Variants in PCDHGB5 observed in about 807,000 individuals in gnomAD.
The protein encoded by PCDHGB5 is protocadherin gamma-B5.
Under a neutral mutation model 62.9 loss-of-function variants are expected in PCDHGB5, and 48 were observed. That is an observed-to-expected ratio of 0.76 (90% confidence interval 0.61 to 0.97). The LOEUF (loss-of-function observed/expected upper bound fraction) is 0.97. Ranked by LOEUF, PCDHGB5 falls within the 50% of genes least tolerant of loss-of-function variation. The pLI is 0.00. For synonymous variants in PCDHGB5, 474 were observed against 511.2 expected, an observed-to-expected ratio of 0.93 and a Z score of 0.98; for missense variants, 1,118 against 1,198.6, an observed-to-expected ratio of 0.93 and a Z score of 0.99.
intron 1 of PCDHGB5, chr5:141,478,531 C>T (rs771145308): frequency 1.9e-6 from 3 of 1,608,190 alleles, no homozygotes; most frequent in Non-Finnish European, 2.5e-6. Flanking sequence ...GTGCAGAGAG[C>T]GCCCCTCCCG....
chr5:141,426,676 A>T (rs1209949988), intron 1 of PCDHGB5: 4 of 431,700 alleles, frequency 9.3e-6, no homozygotes, highest in Non-Finnish European at 1.9e-5. Context: ...AACCCACCTC[A>T]TTTTCCCCAA....
chr5:141,402,839 C>T (rs2094312458), intron 1 of PCDHGB5: 1 of 1,386,198 alleles, frequency 7.2e-7, no homozygotes, highest in Non-Finnish European at 9.5e-7. Context: ...TGCAGCAAAA[C>T]TCAGCCTCTT....
intron 1 of PCDHGB5, chr5:141,403,154 T>G (rs1166937788): frequency 6.2e-7 from 1 of 1,614,024 alleles, no homozygotes; most frequent in Non-Finnish European, 8.5e-7. Flanking sequence ...CCGCATCGTC[T>G]CTAGAGGTAG....
At position 141,486,837 on chromosome 5, in the gene PCDHGB5, T is replaced by G; in HGVS notation, c.2398-7970T>G. The G allele has an allele frequency of 6.2e-7, 1 of 1,614,256 alleles. No individual in the cohort carries two copies. The highest frequency in any genetic ancestry group is 8.5e-7 in the Non-Finnish European group (1 of 1,180,044). ...AGCACTGTAACAGTTCGTCTATTTG[T>G]GCTGGACCTCAATGACAATGCTCCA... On this transcript the variant is annotated intron_variant, in intron 1 of 3. Transcript: ENST00000617380. The surrounding 1 kb of genome is among the most constrained non-coding windows in gnomAD (Gnocchi z 5.0).
intron 1 of PCDHGB5, among the ~76,000 whole-genome samples, chr5:141,437,145 T>C (rs191316470): frequency 3.9e-5 from 6 of 152,364 alleles, no homozygotes; most frequent in Admixed American, 3.9e-4. Flanking sequence ...GGATTCATAA[T>C]TAACATATGT....
rs145484670 is a variant in PCDHGB5 at position 141,469,912 on chromosome 5, C to T, written c.2398-24895C>T. Among the ~76,000 whole-genome samples, 674 of 152,288 alleles carry T rather than the reference C, an allele frequency of 4.4e-3. 6 individuals are homozygous for T. The highest frequency in any genetic ancestry group is 0.015 in the African/African-American group (642 of 41,562). On this transcript the variant is annotated intron_variant, in intron 1 of 3. Transcript: ENST00000617380. ...TTGGGAAGCCGAGGCAGGCAGACCA[C>T]CCGAGGTCAGGAGTTTGAGACCAGC...
At chr5:141,422,850 G>T (rs184432819) in intron 1 of PCDHGB5, 7 of 1,614,086 alleles carry the variant, frequency 4.3e-6, no homozygotes, top group Non-Finnish European at 5.9e-6. Context: ...GCGGGGACCC[G>T]CCCCTCAGCA....
chr5:141,416,585 A>T (rs2096043494), intron 1 of PCDHGB5: 2 of 152,244 alleles, frequency 1.3e-5, no homozygotes, highest in Non-Finnish European at 2.9e-5. Context: ...GAGGCAAAAT[A>T]AACTTAGAGT....
chr5:141,491,982 T>G lies in PCDHGB5; in HGVS notation c.2398-2825T>G. On this transcript the variant is annotated intron_variant, in intron 1 of 3. Coordinates refer to ENST00000617380, the MANE Select transcript of PCDHGB5 (RefSeq NM_018925.3). This position sits in a 1 kb window ranked among gnomAD's most constrained non-coding sequence, Gnocchi z 6.9. Reference sequence around the variant, plus strand: ...AAAAGGCCGGGGCCTCCTTCGAGCTTCCGGTGAATTTCGGGCGATTTCCGC... The same window carrying G: ...AAAAGGCCGGGGCCTCCTTCGAGCTGCCGGTGAATTTCGGGCGATTTCCGC... The G allele has an allele frequency of 2.6e-6, 2 of 759,438 alleles. No homozygotes were observed. Among genetic ancestry groups the G allele is most frequent in the East Asian group, 3.2e-5 (1 of 31,728 alleles). The allele number at this position is 759,438 out of a possible 1,614,324, so 47.0% of individuals were successfully genotyped here. A position where few individuals can be genotyped will look rare whatever the true frequency, so the allele number is the denominator to read the frequency against.
rs754530973 is a variant in PCDHGB5 at position 141,413,859 on chromosome 5, C to T, written c.2397+13335C>T. 11 of 1,613,248 alleles carry T rather than the reference C, an allele frequency of 6.8e-6. No individual in the cohort carries two copies. The Admixed American group carries it at 1.7e-4, about 24-fold the overall frequency. On this transcript the variant is annotated intron_variant, in intron 1 of 3. Transcript: ENST00000617380. ...ACGGGGGTGACCCTCTCCGATCTGG[C>T]ACTGTCCTTGTCAGTGTGACTGTCT...
chr5:141,415,730 G>A lies in PCDHGB5; in HGVS notation c.2397+15206G>A. On this transcript the variant is annotated intron_variant, in intron 1 of 3. Transcript: ENST00000617380. Reference sequence around the variant, plus strand: ...AAAACACTGATGAGTAGAATTTGATGTTTATTAAGGTTTTTTTTTTTTTTT... The same window carrying A: ...AAAACACTGATGAGTAGAATTTGATATTTATTAAGGTTTTTTTTTTTTTTT... 4 of 476,826 alleles carry A rather than the reference G, an allele frequency of 8.4e-6. No individual in the cohort carries two copies. The South Asian group carries it at 2.0e-4, about 24-fold the overall frequency. The allele number at this position is 476,826 out of a possible 1,614,324, so 29.5% of individuals were successfully genotyped here. A position where few individuals can be genotyped will look rare whatever the true frequency, so the allele number is the denominator to read the frequency against.
At chr5:141,499,648 CAT>C (rs1434824310) in intron 2 of PCDHGB5, among the ~76,000 whole-genome samples, 2 of 148,784 alleles carry the variant, frequency 1.3e-5, no homozygotes, top group Admixed American at 6.7e-5. Flanking sequence ...TCTCAGACAT[CAT>C]ATAATTTCAT....
chr5:141,505,779 T>G (rs1420143439), intron 3 of PCDHGB5, among the ~76,000 whole-genome samples: 1 of 139,496 alleles, frequency 7.2e-6, no homozygotes, highest in Non-Finnish European at 1.6e-5. Flanking sequence ...GTCCTAGCTC[T>G]GCTACTATCC....
intron 1 of PCDHGB5, chr5:141,429,222 T>C (rs897099159): frequency 6.6e-6 from 1 of 151,494 alleles, no homozygotes; most frequent in Non-Finnish European, 1.5e-5. Context: ...AAAGTGGGTA[T>C]TATGATACTG....
At chr5:141,460,983 G>GTGTA (rs1554142949) in intron 1 of PCDHGB5, among the ~76,000 whole-genome samples, 1,579 of 137,794 alleles carry the variant, frequency 0.011, 39 homozygotes, top group African/African-American at 0.038. Context: ...GTGTGTGTGT[G>GTGTA]TATATATATA....
Position 141,485,399 on chromosome 5 carries a change from C to T in PCDHGB5, c.2398-9408C>T. On this transcript the variant is annotated intron_variant, in intron 1 of 3. Coordinates refer to ENST00000617380, the MANE Select transcript of PCDHGB5 (RefSeq NM_018925.3). This position sits in a 1 kb window ranked among gnomAD's most constrained non-coding sequence, Gnocchi z 5.7. ...TGGAGAGGTGAACCAAAGACACTTC[C>T]GTGTGGATTTGGACAGCGGAGCCCT... 3 of 1,614,000 alleles carry T rather than the reference C, an allele frequency of 1.9e-6. No homozygotes were observed. The highest frequency in any genetic ancestry group is 2.5e-6 in the Non-Finnish European group (3 of 1,179,922).
intron 2 of PCDHGB5, among the ~76,000 whole-genome samples, chr5:141,503,388 A>C (rs1456500896): frequency 6.6e-6 from 1 of 152,004 alleles, no homozygotes; most frequent in East Asian, 1.9e-4. Flanking sequence ...TGAGGTCAGG[A>C]GTTCGAAACC....
chr5:141,456,712 C>T (rs1025899058), intron 1 of PCDHGB5, among the ~76,000 whole-genome samples: 2 of 152,190 alleles, frequency 1.3e-5, no homozygotes, highest in African/African-American at 4.8e-5. Context: ...CGCCTGTAAT[C>T]CCAGCACTTT....
In PCDHGB5 at chr5:141,431,675, G is replaced by A. The variant is rs778040824; in HGVS notation, c.2397+31151G>A. Reference sequence around the variant, plus strand: ...TTCAGGGACAATATCAACAATAGGGGAGTTGGACCACGAGGAGTCAGGATT... The same window carrying A: ...TTCAGGGACAATATCAACAATAGGGAAGTTGGACCACGAGGAGTCAGGATT... On this transcript the variant is annotated intron_variant, in intron 1 of 3. Coordinates refer to ENST00000617380, the MANE Select transcript of PCDHGB5 (RefSeq NM_018925.3). The surrounding 1 kb of genome is among the most constrained non-coding windows in gnomAD (Gnocchi z 4.8). 5.6e-6 allele frequency: 9 copies of A among 1,614,230 alleles called. No homozygotes were observed. Among genetic ancestry groups the A allele is most frequent in the Admixed American group, 1.7e-5 (1 of 60,028 alleles).
Sources: allele counts gnomAD v4.1 joint callset (sites outside exome capture counted in the v4.1 genomes callset), GRCh38; gene constraint gnomAD v4.1.1; non-coding constraint Gnocchi (gnomAD v3.1); transcripts MANE v1.5; gene names NCBI Gene and HGNC (gene_info 2026-07-23, HGNC 2026-07-21).